Variants in CACNA1E observed in about 807,000 individuals in gnomAD.
CACNA1E encodes calcium voltage-gated channel subunit alpha1 E, also known as voltage-dependent R-type calcium channel subunit alpha-1E.
CACNA1E carries 40 observed loss-of-function variants against 259.2 expected under a neutral mutation model. The ratio of observed to expected loss-of-function variants is 0.15; its 90% confidence interval spans 0.12 to 0.20. CACNA1E has a LOEUF of 0.20. CACNA1E is among the 10% of genes least tolerant of loss of function. The pLI is 1.00. For synonymous variants in CACNA1E, 1,104 were observed against 1,138.5 expected, an observed-to-expected ratio of 0.97 and a Z score of 0.61; for missense variants, 1,874 against 3,040.1, an observed-to-expected ratio of 0.62 and a Z score of 9.02.
intron 3 of CACNA1E, among the ~76,000 whole-genome samples, chr1:181,557,124 C>A (rs765374307): frequency 1.3e-5 from 2 of 152,090 alleles, no homozygotes; most frequent in African/African-American, 2.4e-5. Flanking sequence ...TGTGTGGGAT[C>A]AACATTCCCA....
At chr1:181,694,338 A>T (rs1320487667) in intron 7 of CACNA1E, among the ~76,000 whole-genome samples, 2 of 152,226 alleles carry the variant, frequency 1.3e-5, no homozygotes, top group African/African-American at 2.4e-5. Context: ...TTAATAATAG[A>T]AAAGAACTTT....
intron 1 of CACNA1E, among the ~76,000 whole-genome samples, chr1:181,505,714 A>G (rs1318709819): frequency 1.3e-5 from 2 of 151,700 alleles, no homozygotes; most frequent in African/African-American, 4.9e-5. Flanking sequence ...TCTTCCATGT[A>G]TGCTGGTTTA....
intron 3 of CACNA1E, among the ~76,000 whole-genome samples, chr1:181,513,305 T>C (rs986724860): frequency 6.6e-6 from 1 of 152,232 alleles, no homozygotes; most frequent in Non-Finnish European, 1.5e-5. Context: ...GTCTTTTAAA[T>C]GCTTGTAATT....
rs371699391 is a variant in CACNA1E at position 181,610,019 on chromosome 1, C to T, written c.951+29243C>T. 9.2e-5 allele frequency among the ~76,000 whole-genome samples: 14 copies of T among 152,186 alleles called. No homozygotes were observed. The East Asian group carries it at 2.1e-3, about 23-fold the overall frequency. On this transcript the variant is annotated intron_variant, in intron 6 of 47. Transcript: ENST00000367573. ...CATGTCTTGTTATCCAGTTTTGTGGCCCCTGGACACCAACACAGTATTCAT... is the reference window on the plus strand; with the variant it reads ...CATGTCTTGTTATCCAGTTTTGTGGTCCCTGGACACCAACACAGTATTCAT...
chr1:181,755,962 C>A lies in CACNA1E; in HGVS notation c.3996C>A (p.Asn1332Lys). ...SKDTEKECIG[N>K]YVDHEKNKME... is the part of the protein sequence containing the mutation. ...ATTTCTGCTCTGGTTTTAGAGGCAA[C>A]TATGTAGATCATGAGAAAAACAAGA... is the stretch of plus-strand genomic sequence containing the variant. The change falls in exon 29 of 48, where the codon AAC becomes AAA. Residue 1332 changes from asparagine (N) to lysine (K), a missense_variant. Physicochemically the swap from Asn to Lys is moderately conservative, Grantham distance 94. Coordinates refer to ENST00000367573, the MANE Select transcript of CACNA1E (RefSeq NM_001205293.3). 1.2e-6 allele frequency: 2 copies of A among 1,613,596 alleles called. No individual in the cohort carries two copies. The highest frequency in any genetic ancestry group is 1.7e-6 in the Non-Finnish European group (2 of 1,179,698).
chr1:181,516,973 T>C (rs988191488), intron 3 of CACNA1E, among the ~76,000 whole-genome samples: 3 of 152,106 alleles, frequency 2.0e-5, no homozygotes, highest in Non-Finnish European at 4.4e-5. Context: ...TCTGCCAAGG[T>C]CATCACCCCA....
At chr1:181,567,006 C>T (rs1558134456) in intron 3 of CACNA1E, among the ~76,000 whole-genome samples, 1 of 152,042 alleles carries the variant, frequency 6.6e-6, no homozygotes, top group Non-Finnish European at 1.5e-5. Flanking sequence ...AAGGCAGCTC[C>T]CCACCACCAA....
At chr1:181,692,322 T>G (rs899761329) in intron 7 of CACNA1E, among the ~76,000 whole-genome samples, 3 of 152,030 alleles carry the variant, frequency 2.0e-5, no homozygotes, top group Non-Finnish European at 4.4e-5. Flanking sequence ...TACATGGAGC[T>G]AAAAAAGGGC....
intron 6 of CACNA1E, among the ~76,000 whole-genome samples, chr1:181,631,192 GT>G (rs1360690126): frequency 1.3e-5 from 2 of 152,186 alleles, no homozygotes; most frequent in African/African-American, 2.4e-5. Flanking sequence ...AGTTAATTAG[GT>G]AACTATAGGT....
chr1:181,620,941 A>C (rs3845437), intron 6 of CACNA1E, among the ~76,000 whole-genome samples: 35,520 of 151,894 alleles, frequency 0.23, 4,838 homozygotes, highest in South Asian at 0.36. Flanking sequence ...AAATGTCACA[A>C]TCCATGTGTA....
intron 6 of CACNA1E, 130 bp from the exon 7 acceptor site, chr1:181,651,208 A>G (rs1658729557): frequency 2.0e-5 from 12 of 611,518 alleles, no homozygotes; most frequent in Non-Finnish European, 2.9e-6. Flanking sequence ...CAAATTGGGA[A>G]TGGAGTAAGG....
At chr1:181,477,688 G>A (rs991516660) in intron 2 of CACNA1E, among the ~76,000 whole-genome samples, 1 of 152,030 alleles carries the variant, frequency 6.6e-6, no homozygotes, top group African/African-American at 2.4e-5. Context: ...TTCATCCCTG[G>A]CTGCACTTCT....
intron 1 of CACNA1E, among the ~76,000 whole-genome samples, chr1:181,406,359 T>C: frequency 6.6e-6 from 1 of 152,238 alleles, no homozygotes; most frequent in East Asian, 1.9e-4. Flanking sequence ...TATGAGCTTC[T>C]GTATTTAATT....
chr1:181,782,634 G>T (rs1660518855), intron 39 of CACNA1E, among the ~76,000 whole-genome samples: 1 of 152,164 alleles, frequency 6.6e-6, no homozygotes, highest in African/African-American at 2.4e-5. Flanking sequence ...TTCCCTCTCT[G>T]CCAGGCTGGT....
intron 39 of CACNA1E, among the ~76,000 whole-genome samples, chr1:181,782,742 C>T (rs1378622490): frequency 6.6e-6 from 1 of 152,174 alleles, no homozygotes; most frequent in Non-Finnish European, 1.5e-5. Context: ...TCATTCCCCC[C>T]AGTACATGGC....
At chr1:181,608,696 C>T (rs147218541) in intron 6 of CACNA1E, among the ~76,000 whole-genome samples, 55 of 152,286 alleles carry the variant, frequency 3.6e-4, no homozygotes, top group Middle Eastern at 3.4e-3. Flanking sequence ...CATTTCTGAG[C>T]AGGATTGCTT....
At chr1:181,660,625 G>A (rs12759380) in intron 7 of CACNA1E, among the ~76,000 whole-genome samples, 1 of 152,162 alleles carries the variant, frequency 6.6e-6, no homozygotes, top group Non-Finnish European at 1.5e-5. Flanking sequence ...TTGCATCTTA[G>A]GAGGTGGTTC....
chr1:181,798,822 T>C lies in CACNA1E; in HGVS notation c.6930T>C (p.Asp2310=), dbSNP rs1469221029. 1.6e-5 allele frequency: 24 copies of C among 1,519,912 alleles called. No homozygotes were observed. The highest frequency in any genetic ancestry group is 3.8e-5 in the South Asian group (3 of 78,476). The allele number at this position is 1,519,912 out of a possible 1,614,324, so 94.2% of individuals were successfully genotyped here. ...VNNLLSDTEE[D]DKC ...ACCTGCTAAGTGACACGGAAGAAGATGACAAATGCTAGAGGCTGCTCCCCC... is the reference window on the plus strand; with the variant it reads ...ACCTGCTAAGTGACACGGAAGAAGACGACAAATGCTAGAGGCTGCTCCCCC... Residue 2310 remains aspartate, a synonymous_variant, in exon 48 of 48, where the codon GAT becomes GAC. Transcript: ENST00000367573. This position sits in a 1 kb window ranked among gnomAD's most constrained non-coding sequence, Gnocchi z 4.2.
At position 181,733,659 on chromosome 1, in the gene CACNA1E, G is replaced by A. The variant is rs537667743; in HGVS notation, c.3171G>A (p.Thr1057=). Residue 1057 remains threonine (T), a synonymous_variant, in exon 21 of 48, where the codon ACG becomes ACA. Coordinates refer to ENST00000367573, the MANE Select transcript of CACNA1E (RefSeq NM_001205293.3). ...SQSEPDLSCI[T]ANTDKATTES... is the part of the protein sequence containing the mutation. ...GCGAGCCTGACCTCTCCTGCATCACGGCCAACACGGACAAGGCCACCACCG... is the reference window on the plus strand; with the variant it reads ...GCGAGCCTGACCTCTCCTGCATCACAGCCAACACGGACAAGGCCACCACCG... 1.9e-5 allele frequency: 30 copies of A among 1,606,170 alleles called. No individual in the cohort carries two copies. Among genetic ancestry groups the A allele is most frequent in the South Asian group, 1.3e-4 (12 of 89,998 alleles).
Sources: gnomAD v4.1 joint callset for allele counts (sites outside exome capture counted in the v4.1 genomes callset) on GRCh38, gnomAD v4.1.1 for gene constraint, Gnocchi (gnomAD v3.1) non-coding constraint, MANE v1.5 for transcripts, NCBI Gene and HGNC (gene_info 2026-07-23, HGNC 2026-07-21) for gene names.